The following RAD17 variants were observed in gnomAD, a reference collection of about 807,000 sequenced individuals.
The protein encoded by RAD17 is RAD17 checkpoint clamp loader component.
A neutral mutation model predicts 81.5 loss-of-function variants in RAD17; 31 were observed. The observed-to-expected ratio is 0.38, with a 90% CI of 0.29 to 0.51. The LOEUF (loss-of-function observed/expected upper bound fraction) is 0.51, where lower values mean the gene tolerates loss of function less well. Among genes scored for constraint, RAD17 ranks in the 20% least tolerant of loss-of-function variants. The pLI, the probability that RAD17 is intolerant of heterozygous loss-of-function variation, is 0.88. For synonymous variants in RAD17, 261 were observed against 266.2 expected, an observed-to-expected ratio of 0.98 and a Z score of 0.19; for missense variants, 681 against 781.2, an observed-to-expected ratio of 0.87 and a Z score of 1.53.
At chr5:69,408,143 C>T (rs1316483202) in intron 17 of RAD17, among the ~76,000 whole-genome samples, 1 of 151,512 alleles carries the variant, frequency 6.6e-6, no homozygotes, top group Non-Finnish European at 1.5e-5. Flanking sequence ...CTTTTACCCA[C>T]CTTTTTCTTG....
chr5:69,371,406 T>C (rs2150757945), intron 2 of RAD17, 48 bp from the exon 3 acceptor site: 2 of 548,060 alleles, frequency 3.6e-6, no homozygotes, highest in South Asian at 7.0e-5. Flanking sequence ...TAATTGGGCA[T>C]TTACAGTTTT....
chr5:69,407,314 G>A (rs1765665933), intron 17 of RAD17, among the ~76,000 whole-genome samples: 1 of 152,004 alleles, frequency 6.6e-6, no homozygotes, highest in Admixed American at 6.6e-5. Context: ...AGTGTTAGAT[G>A]TGCAAACTTT....
chr5:69,379,796 C>T (rs909470798), intron 6 of RAD17, among the ~76,000 whole-genome samples: 16 of 152,108 alleles, frequency 1.1e-4, no homozygotes, highest in Admixed American at 2.6e-4. Context: ...GGCAACAACA[C>T]GTAAGGAGCT....
At chr5:69,398,342 A>C (rs6450037) in intron 16 of RAD17, among the ~76,000 whole-genome samples, 8 of 151,484 alleles carry the variant, frequency 5.3e-5, no homozygotes, top group African/African-American at 1.9e-4. Flanking sequence ...CCTTGCCTCT[A>C]TATGGACAAG....
At chr5:69,370,284 G>A (rs547932312) in intron 1 of RAD17, 1 of 152,724 alleles carries the variant, frequency 6.5e-6, no homozygotes, top group Admixed American at 6.5e-5. Context: ...TTTTAAAGGA[G>A]GTAATTGTCA....
chr5:69,406,801 CG>C (rs1285526040), intron 17 of RAD17, among the ~76,000 whole-genome samples: 1 of 151,758 alleles, frequency 6.6e-6, no homozygotes, highest in African/African-American at 2.4e-5. Flanking sequence ...GCTACCACAC[CG>C]AACCAATATA....
chr5:69,373,995 T>A lies in RAD17; in HGVS notation c.175T>A (p.Ser59Thr), dbSNP rs1763184488. The A allele has an allele frequency of 6.2e-7, 1 of 1,613,012 alleles. No homozygotes were observed. The highest frequency in any genetic ancestry group is 1.3e-5 in the African/African-American group (1 of 74,974). The stretch of plus-strand genomic sequence containing the variant: ...TCCAGCGAGAAAAAGAGGAAATCTA[T>A]CTTCCTTAGAACAGATTTATGGTTT... ...RFPARKRGNL[S>T]SLEQIYGLEN... Residue 59 changes from serine to threonine, a missense_variant, in exon 5 of 19, where the codon TCT becomes ACT. Coordinates refer to ENST00000354868, the MANE Select transcript of RAD17 (RefSeq NM_133338.3).
chr5:69,377,967 A>C (rs1343917779), intron 6 of RAD17, among the ~76,000 whole-genome samples: 1 of 151,780 alleles, frequency 6.6e-6, no homozygotes, highest in East Asian at 1.9e-4. Flanking sequence ...TAATTAAAAA[A>C]AAATTTTTTT....
chr5:69,379,638 T>C (rs1236601368), intron 6 of RAD17, among the ~76,000 whole-genome samples: 1 of 152,058 alleles, frequency 6.6e-6, no homozygotes, highest in African/African-American at 2.4e-5. Flanking sequence ...TATAAATTTT[T>C]TTTGTATTTA....
chr5:69,370,924 T>C (rs1001053447), intron 1 of RAD17, 111 bp from the exon 2 acceptor site: 3 of 251,468 alleles, frequency 1.2e-5, no homozygotes, highest in African/African-American at 6.9e-5. Flanking sequence ...CATAAACATT[T>C]AAGAATTTGA....
At chr5:69,391,425 T>C (rs1349490803) in intron 12 of RAD17, among the ~76,000 whole-genome samples, 1 of 152,144 alleles carries the variant, frequency 6.6e-6, no homozygotes, top group Non-Finnish European at 1.5e-5. Context: ...TTTGGAATAT[T>C]TGCATTATAC....
intron 18 of RAD17, 150 bp downstream of exon 18, chr5:69,410,700 T>A: frequency 1.5e-6 from 1 of 682,054 alleles, no homozygotes; most frequent in Non-Finnish European, 2.5e-6. Context: ...AGACCCTTCC[T>A]TTTCTTAAAT....
chr5:69,369,323 G>A (rs1762735191), upstream of RAD17: 1 of 799,248 alleles, frequency 1.3e-6, no homozygotes. Flanking sequence ...TCGGCTCCCG[G>A]GGCGCTGACA....
intron 4 of RAD17, 86 bp from the exon 5 acceptor site, chr5:69,373,744 T>A: frequency 4.2e-6 from 4 of 942,648 alleles, no homozygotes; most frequent in Non-Finnish European, 6.5e-6. Context: ...AATATATGAA[T>A]ATGTTGTTTC....
chr5:69,405,852 C>A (rs1404212686), intron 17 of RAD17, among the ~76,000 whole-genome samples: 1 of 151,940 alleles, frequency 6.6e-6, no homozygotes, highest in Non-Finnish European at 1.5e-5. Context: ...ACCAGCCTGG[C>A]AAACATGGTG....
chr5:69,395,429 T>C (rs1417754843), intron 15 of RAD17, among the ~76,000 whole-genome samples: 1 of 152,184 alleles, frequency 6.6e-6, no homozygotes, highest in Admixed American at 6.6e-5. Context: ...GGAGAATCAC[T>C]TGAGCCCAGG....
Position 69,414,012 on chromosome 5 carries a change from T to C in RAD17, c.1752-19T>C. ...TTCTCCTTTGGTTCTTATTAATGCCTGCACTGTGAATCTGACAGATTGAAA... is the reference window on the plus strand; with the variant it reads ...TTCTCCTTTGGTTCTTATTAATGCCCGCACTGTGAATCTGACAGATTGAAA... On this transcript the variant is annotated intron_variant, in intron 18 of 18. Transcript: ENST00000354868. 1 of 1,612,850 alleles carries C rather than the reference T, an allele frequency of 6.2e-7. No individual in the cohort carries two copies. The highest frequency in any genetic ancestry group is 8.5e-7 in the Non-Finnish European group (1 of 1,179,332).
chr5:69,375,068 A>G (rs1427050428), intron 6 of RAD17, among the ~76,000 whole-genome samples: 2 of 152,214 alleles, frequency 1.3e-5, no homozygotes, highest in African/African-American at 4.8e-5. Flanking sequence ...GTGAGCTGTG[A>G]TCACACTAGT....
At chr5:69,385,965 C>T (rs1764186186) in intron 8 of RAD17, 78 bp from the exon 9 acceptor site, 8 of 1,307,000 alleles carry the variant, frequency 6.1e-6, no homozygotes, top group African/African-American at 3.0e-5. Flanking sequence ...TTTTTGCCTA[C>T]CTCAATAAAT....
Sources: gnomAD v4.1 joint callset for allele counts (sites outside exome capture counted in the v4.1 genomes callset) on GRCh38, gnomAD v4.1.1 for gene constraint, MANE v1.5 for transcripts, NCBI Gene and HGNC (gene_info 2026-07-23, HGNC 2026-07-21) for gene names.